JMJD8: variants seen among roughly 807,000 people sequenced by gnomAD.
JMJD8 encodes the protein jumonji domain containing 8.
In JMJD8, 56 loss-of-function variants were observed where a neutral mutation model predicts 37.6. That is an observed-to-expected ratio of 1.49 (90% confidence interval 1.20 to 1.86). The LOEUF (loss-of-function observed/expected upper bound fraction) is 1.86, where lower values mean the gene tolerates loss of function less well. JMJD8 is among the 40% of genes most tolerant of loss of function. The pLI is 0.00. For missense variants in JMJD8, 542 were observed against 362.7 expected, an observed-to-expected ratio of 1.49 and a Z score of -4.01; for synonymous variants, 261 against 163.7, an observed-to-expected ratio of 1.59 and a Z score of -4.54.
Position 684,160 on chromosome 16 carries a change from G to C in JMJD8, c.87-5C>G. The C allele has an allele frequency of 6.9e-7, 1 of 1,452,254 alleles. No homozygotes were observed. Among genetic ancestry groups the C allele is most frequent in the Non-Finnish European group, 9.0e-7 (1 of 1,109,428 alleles). 90.0% of individuals were successfully genotyped at this position (1,452,254 alleles called of 1,614,324 possible). On this transcript the variant is annotated splice_polypyrimidine_tract_variant and splice_region_variant and intron_variant, in intron 1 of 8. Coordinates refer to ENST00000609261, the MANE Select transcript of JMJD8 (RefSeq NM_001005920.4). ...GCCCCCGGCCCGCCCGGGCGCCTGCGGGCACAGCTGGGTCAGCCCGCGCCC... is the reference window on the plus strand; with the variant it reads ...GCCCCCGGCCCGCCCGGGCGCCTGCCGGCACAGCTGGGTCAGCCCGCGCCC...
At position 681,846 on chromosome 16, in the gene JMJD8, T is replaced by G. The variant is rs755698159; in HGVS notation, c.*948A>C. ...GAGGGTGATGAGGACGACAGCCACG[T>G]CCGGGCCCAGCAGGCCTGCATTGAG... On this transcript the variant is annotated 3_prime_UTR_variant, in exon 9 of 9. Transcript: ENST00000609261. 1 of 1,611,830 alleles carries G rather than the reference T, an allele frequency of 6.2e-7. No homozygotes were observed. The highest frequency in any genetic ancestry group is 8.5e-7 in the Non-Finnish European group (1 of 1,179,290).
rs760023168 is a variant in JMJD8, at chr16:682,341, C to T, written c.*453G>A. On this transcript the variant is annotated 3_prime_UTR_variant, in exon 9 of 9. Transcript: ENST00000609261. ...CATGGTCCTGGGCCCCATGACTGCCCTCTGCCCTTCTTGTCACTGCAGCGT... is the reference window on the plus strand; with the variant it reads ...CATGGTCCTGGGCCCCATGACTGCCTTCTGCCCTTCTTGTCACTGCAGCGT... The T allele has an allele frequency of 6.2e-7, 1 of 1,613,062 alleles. No individual in the cohort carries two copies. The highest frequency in any genetic ancestry group is 1.1e-5 in the South Asian group (1 of 91,086).
In JMJD8 at chr16:682,087, GTC is replaced by G. The variant is rs1567281863; in HGVS notation, c.*705_*706del. 1.9e-6 allele frequency: 3 copies of G among 1,581,432 alleles called. No individual in the cohort carries two copies. Among genetic ancestry groups the G allele is most frequent in the Non-Finnish European group, 2.6e-6 (3 of 1,157,788 alleles). On this transcript the variant is annotated 3_prime_UTR_variant, in exon 9 of 9. Coordinates refer to ENST00000609261, the MANE Select transcript of JMJD8 (RefSeq NM_001005920.4). ...GATGAGAAGAGGAAGGTGAGTGTGT[GTC>G]GCTTGCTGCCGATGGCTGGCAGGTG...
In JMJD8 at chr16:683,702, G is replaced by C; in HGVS notation, c.305C>G (p.Thr102Ser). The change falls in exon 4 of 9, where the codon ACC becomes AGC. Residue 102 changes from threonine to serine, a missense_variant. Transcript: ENST00000609261. The part of the protein sequence containing the change: ...DRVVRLSTAN[T>S]YSYHKVDLPF... ...CCGCGTACCTTTGTGGTAGGAGTAG[G>C]TGTTGGCGGTGCTCAGCCGGACCAC... 1 of 1,605,444 alleles carries C rather than the reference G, an allele frequency of 6.2e-7. No individual in the cohort carries two copies. The highest frequency in any genetic ancestry group is 8.5e-7 in the Non-Finnish European group (1 of 1,176,730).
rs765385958 is a variant in JMJD8 at position 682,887 on chromosome 16, G to A, written c.715-13C>T. The A allele has an allele frequency of 1.2e-6, 2 of 1,612,772 alleles. No homozygotes were observed. The highest frequency in any genetic ancestry group is 1.7e-6 in the Non-Finnish European group (2 of 1,179,794). On this transcript the variant is annotated splice_polypyrimidine_tract_variant and intron_variant, in intron 8 of 8. Coordinates refer to ENST00000609261, the MANE Select transcript of JMJD8 (RefSeq NM_001005920.4). ...GGAAGTACAGCACCTGGTGGAGGAA[G>A]GGGGTGCAGCAGAGATTAGCTGCGG...
rs1379548022 is a variant in JMJD8, at chr16:681,895, C to G, written c.*899G>C. The stretch of plus-strand genomic sequence containing the variant: ...AGGCCAAGCACGTGAGGGTGCCCCC[C>G]ACCCACATGTGGGTCTGTGTGTGTG... On this transcript the variant is annotated 3_prime_UTR_variant, in exon 9 of 9. Coordinates refer to ENST00000609261, the MANE Select transcript of JMJD8 (RefSeq NM_001005920.4). 1 of 1,612,986 alleles carries G rather than the reference C, an allele frequency of 6.2e-7. No homozygotes were observed.
In JMJD8 at chr16:681,874, C is replaced by T; in HGVS notation, c.*920G>A. ...GGGCCCAGCAGGCCTGCATTGAGGC[C>T]AAGCACGTGAGGGTGCCCCCCACCC... On this transcript the variant is annotated 3_prime_UTR_variant, in exon 9 of 9. Coordinates refer to ENST00000609261, the MANE Select transcript of JMJD8 (RefSeq NM_001005920.4). 1 of 1,612,956 alleles carries T rather than the reference C, an allele frequency of 6.2e-7. No individual in the cohort carries two copies. Among genetic ancestry groups the T allele is most frequent in the Non-Finnish European group, 8.5e-7 (1 of 1,179,986 alleles).
At position 684,122 on chromosome 16, in the gene JMJD8, C is replaced by A; in HGVS notation, c.120G>T (p.Glu40Asp). Residue 40 changes from glutamate (E) to aspartate (D), a missense_variant, in exon 2 of 9, where the codon GAG (glutamate) becomes GAT (aspartate). Glu to Asp is a conservative substitution (Grantham distance 45). Transcript: ENST00000609261. ...RPGGPGAVAE[E>D]ERCTVERRAD... ...CCCGACGCTCCACCGTGCAGCGCTCCTCCTCCGCCACGGCCCCCGGCCCGC... is the reference window on the plus strand; with the variant it reads ...CCCGACGCTCCACCGTGCAGCGCTCATCCTCCGCCACGGCCCCCGGCCCGC... 1.3e-6 allele frequency: 2 copies of A among 1,537,172 alleles called. No individual in the cohort carries two copies. The highest frequency in any genetic ancestry group is 2.6e-5 in the East Asian group (1 of 38,974).
Position 684,194 on chromosome 16 carries a change from G to A in JMJD8, c.87-39C>T, listed in dbSNP as rs767245745. ...TGGGTCAGCCCGCGCCCCGCCCGCC[G>A]CACGTGACCCCACCGCCCGGCCCCT... On this transcript the variant is annotated intron_variant, in intron 1 of 8. Coordinates refer to ENST00000609261, the MANE Select transcript of JMJD8 (RefSeq NM_001005920.4). 5.0e-5 allele frequency: 65 copies of A among 1,304,654 alleles called. 1 individual carries two copies. In the South Asian group the frequency reaches 1.4e-3, roughly 28 times the overall value. 80.8% of individuals were successfully genotyped at this position (1,304,654 alleles called of 1,614,324 possible).
chr16:683,065 T>C lies in JMJD8; in HGVS notation c.602A>G (p.Glu201Gly). ...GRKRWFLYPP[E>G]KTPEFHPNKT... is the part of the protein sequence containing the mutation. The stretch of plus-strand genomic sequence containing the variant: ...GTTGGGGTGGAACTCTGGCGTCTTC[T>C]CAGGTGGGTAAAGGAACCAGCGCTG... The change falls in exon 8 of 9, where the codon GAG (glutamate) becomes GGG (glycine). Residue 201 changes from glutamate to glycine, a missense_variant. Glu to Gly is a moderately conservative substitution (Grantham distance 98). Transcript: ENST00000609261. 1.9e-6 allele frequency: 3 copies of C among 1,613,572 alleles called. No individual in the cohort carries two copies. The highest frequency in any genetic ancestry group is 1.7e-5 in the Admixed American group (1 of 60,022).
At position 683,601 on chromosome 16, in the gene JMJD8, G is replaced by A. The variant is rs375641145; in HGVS notation, c.323-3C>T. ...ATACTCCTGGAAGGGCAAGTCCACT[G>A]CAGGAAAGAGACGGGTCAGGACCGT... On this transcript the variant is annotated splice_polypyrimidine_tract_variant and splice_region_variant and intron_variant, in intron 4 of 8. Transcript: ENST00000609261. 97 of 1,577,060 alleles carry A rather than the reference G, an allele frequency of 6.2e-5. No homozygotes were observed. The African/African-American group carries it at 1.2e-3, about 19-fold the overall frequency.
At position 683,524 on chromosome 16, in the gene JMJD8, C is replaced by T; in HGVS notation, c.391+6G>A. 1 of 1,552,372 alleles carries T rather than the reference C, an allele frequency of 6.4e-7. No individual in the cohort carries two copies. Among genetic ancestry groups the T allele is most frequent in the Non-Finnish European group, 8.7e-7 (1 of 1,147,802 alleles). On this transcript the variant is annotated splice_donor_region_variant and intron_variant, in intron 5 of 8. Transcript: ENST00000609261. ...CACCCCCTACCGCCGCCTAGGGCTG[C>T]CTCACCATTGCCCAGGGAGGTGGGG...
Position 683,356 on chromosome 16 carries a change from C to A in JMJD8, c.477G>T (p.Leu159=). 6.4e-7 allele frequency: 1 copy of A among 1,565,878 alleles called. No homozygotes were observed. Among genetic ancestry groups the A allele is most frequent in the East Asian group, 2.4e-5 (1 of 42,026 alleles). The change falls in exon 6 of 9, where the codon CTG becomes CTT. Residue 159 remains leucine, a synonymous_variant. Coordinates refer to ENST00000609261, the MANE Select transcript of JMJD8 (RefSeq NM_001005920.4). The part of the protein sequence containing the change: ...RHYSPPPFGL[L]GTAPAYSFGI... ...CAAAGCTGTAAGCTGGAGCGGTTCCCAGCAGGCCAAATGGGGGTGGGGAGT... is the reference window on the plus strand; with the variant it reads ...CAAAGCTGTAAGCTGGAGCGGTTCCAAGCAGGCCAAATGGGGGTGGGGAGT...
At position 683,743 on chromosome 16, in the gene JMJD8, A is replaced by T. The variant is rs1481098186; in HGVS notation, c.264T>A (p.Ala88=). 1.2e-6 allele frequency: 2 copies of T among 1,610,122 alleles called. No individual in the cohort carries two copies. The highest frequency in any genetic ancestry group is 3.3e-5 in the Admixed American group (2 of 59,718). ...GCCGGACCACTCTGTCCCCAAACGAAGCCAGCAACCTGTCGCGGGAGCACA... is the reference window on the plus strand; with the variant it reads ...GCCGGACCACTCTGTCCCCAAACGATGCCAGCAACCTGTCGCGGGAGCACA... ...RALCSRDRLL[A]SFGDRVVRLS... The change falls in exon 4 of 9, where the codon GCT becomes GCA. Residue 88 remains alanine (A), a synonymous_variant. Coordinates refer to ENST00000609261, the MANE Select transcript of JMJD8 (RefSeq NM_001005920.4).
rs1031741230 is a variant in JMJD8 at position 681,939 on chromosome 16, C to T, written c.*855G>A. 8 of 1,612,550 alleles carry T rather than the reference C, an allele frequency of 5.0e-6. No homozygotes were observed. The Admixed American group carries it at 1.0e-4, about 20-fold the overall frequency. On this transcript the variant is annotated 3_prime_UTR_variant, in exon 9 of 9. Coordinates refer to ENST00000609261, the MANE Select transcript of JMJD8 (RefSeq NM_001005920.4). ...GTGTGTGCACGTGGCGTGGGAGCAT[C>T]CCCGCCTTGTGTTGGGTCTGTGCCC...
In JMJD8 at chr16:682,421, C is replaced by A; in HGVS notation, c.*373G>T. ...CCCCCTGACCCAGGAACAGCTCATCCCCAACTTGGCTATGAAGGAGGTTAT... is the reference window on the plus strand; with the variant it reads ...CCCCCTGACCCAGGAACAGCTCATCACCAACTTGGCTATGAAGGAGGTTAT... On this transcript the variant is annotated 3_prime_UTR_variant, in exon 9 of 9. Transcript: ENST00000609261. 1 of 1,613,444 alleles carries A rather than the reference C, an allele frequency of 6.2e-7. No individual in the cohort carries two copies. The highest frequency in any genetic ancestry group is 1.3e-5 in the African/African-American group (1 of 75,064).
Position 684,079 on chromosome 16 carries a change from C to G in JMJD8, c.163G>C (p.Glu55Gln). Residue 55 changes from glutamate to glutamine, a missense_variant, in exon 2 of 9, where the codon GAG (glutamate) becomes CAG (glutamine). Physicochemically the swap from Glu to Gln is conservative, Grantham distance 29. Coordinates refer to ENST00000609261, the MANE Select transcript of JMJD8 (RefSeq NM_001005920.4). ...GGGCGCACGTACTGCTGCACGAACT[C>G]CGCGTAGGTGAGGTCGGCCCGACGC... is the stretch of plus-strand genomic sequence containing the variant. ...VERRADLTYAEFVQQYAFVRP... is the reference protein window; with the variant it reads ...VERRADLTYAQFVQQYAFVRP... 6.3e-7 allele frequency: 1 copy of G among 1,579,630 alleles called. No homozygotes were observed. Among genetic ancestry groups the G allele is most frequent in the Non-Finnish European group, 8.5e-7 (1 of 1,171,318 alleles).
rs1415780071 is a variant in JMJD8, at chr16:681,976, G to A, written c.*818C>T. ...TTGGGTCTGTGCCCCATGGAGGAGGGAGGTGGGGTGTCTCCCCCAAGCACA... is the reference window on the plus strand; with the variant it reads ...TTGGGTCTGTGCCCCATGGAGGAGGAAGGTGGGGTGTCTCCCCCAAGCACA... On this transcript the variant is annotated 3_prime_UTR_variant, in exon 9 of 9. Transcript: ENST00000609261. 3 of 1,612,456 alleles carry A rather than the reference G, an allele frequency of 1.9e-6. No individual in the cohort carries two copies. Among genetic ancestry groups the A allele is most frequent in the Non-Finnish European group, 2.5e-6 (3 of 1,179,064 alleles).
Position 683,740 on chromosome 16 carries a change from C to G in JMJD8, c.267G>C (p.Ser89=), listed in dbSNP as rs888067272. The change falls in exon 4 of 9, where the codon TCG becomes TCC. Residue 89 remains serine, a synonymous_variant. Transcript: ENST00000609261. The stretch of plus-strand genomic sequence containing the variant: ...TCAGCCGGACCACTCTGTCCCCAAA[C>G]GAAGCCAGCAACCTGTCGCGGGAGC... ...ALCSRDRLLA[S]FGDRVVRLST... is the part of the protein sequence containing the mutation. The G allele has an allele frequency of 6.2e-7, 1 of 1,610,118 alleles. No homozygotes were observed. The highest frequency in any genetic ancestry group is 8.5e-7 in the Non-Finnish European group (1 of 1,178,758).
Sources: allele counts gnomAD v4.1 joint callset, GRCh38; gene constraint gnomAD v4.1.1; transcripts MANE v1.5; gene names NCBI Gene and HGNC (gene_info 2026-07-23, HGNC 2026-07-21).